KDELR1: variants seen among roughly 807,000 people sequenced by gnomAD.
The protein encoded by KDELR1 is KDEL endoplasmic reticulum protein retention receptor 1.
A neutral mutation model predicts 25.5 loss-of-function variants in KDELR1; 16 were observed. The observed-to-expected ratio is 0.63, with a 90% CI of 0.43 to 0.95. The LOEUF (loss-of-function observed/expected upper bound fraction) is 0.95, where lower values mean the gene tolerates loss of function less well. Among genes scored for constraint, KDELR1 ranks in the 40% least tolerant of loss-of-function variants. KDELR1 has a pLI of 0.00. For missense variants in KDELR1, 159 were observed against 265.2 expected, an observed-to-expected ratio of 0.60 and a Z score of 2.78; for synonymous variants, 121 against 115.0, an observed-to-expected ratio of 1.05 and a Z score of -0.33.
chr19:48,390,729 G>A (rs1250391851), intron 1 of KDELR1: 27 of 547,016 alleles, frequency 4.9e-5, no homozygotes, highest in Non-Finnish European at 6.6e-5. Flanking sequence ...CCCCGCCTGA[G>A]CAGGGCCCTT....
upstream of KDELR1, among the ~76,000 whole-genome samples, chr19:48,393,458 C>T (rs1970586808): frequency 6.6e-6 from 1 of 152,124 alleles, no homozygotes; most frequent in Non-Finnish European, 1.5e-5. This position sits in a 1 kb window ranked among gnomAD's most constrained non-coding sequence, Gnocchi z 5.6. Flanking sequence ...GGTTCTGAGT[C>T]CCTGCCTGCC....
rs1342538468 is a variant in KDELR1 at position 48,390,308 on chromosome 19, C to T, written c.192+116G>A. Reference sequence around the variant, plus strand: ...GAGTCCAGGCCCCCGGCCCCTCCTCCCTCAGACCCAGGAGTCCAGGCCCCC... The same window carrying T: ...GAGTCCAGGCCCCCGGCCCCTCCTCTCTCAGACCCAGGAGTCCAGGCCCCC... On this transcript the variant is annotated intron_variant, in intron 2 of 4. Coordinates refer to ENST00000330720, the MANE Select transcript of KDELR1 (RefSeq NM_006801.3). 1.3e-5 allele frequency: 9 copies of T among 715,966 alleles called. No individual in the cohort carries two copies. The African/African-American group carries it at 1.4e-4, about 12-fold the overall frequency. 44.4% of individuals were successfully genotyped at this position (715,966 alleles called of 1,614,324 possible). A position where few individuals can be genotyped will look rare whatever the true frequency, so the allele number is the denominator to read the frequency against.
rs1970553590 is a variant in KDELR1, at chr19:48,391,551, G to A, written c.-193C>T. The A allele has an allele frequency of 1.7e-6, 1 of 583,136 alleles. No homozygotes were observed. Among genetic ancestry groups the A allele is most frequent in the Admixed American group, 3.0e-5 (1 of 33,574 alleles). The allele number at this position is 583,136 out of a possible 1,614,324, so 36.1% of individuals were successfully genotyped here. ...CTGGCGGCGGAGCTGGAGCCGGGAAGAGGGAGGAGAGCGAGAGGGGGAGGA... is the reference window on the plus strand; with the variant it reads ...CTGGCGGCGGAGCTGGAGCCGGGAAAAGGGAGGAGAGCGAGAGGGGGAGGA... On this transcript the variant is annotated 5_prime_UTR_variant, in exon 1 of 5. Coordinates refer to ENST00000330720, the MANE Select transcript of KDELR1 (RefSeq NM_006801.3).
intron 3 of KDELR1, among the ~76,000 whole-genome samples, chr19:48,385,310 G>A (rs564985204): frequency 6.6e-6 from 1 of 152,198 alleles, no homozygotes; most frequent in East Asian, 1.9e-4. Flanking sequence ...GTCACCTCCC[G>A]AGAGGGACCC....
At chr19:48,391,240 C>G (rs1970547324) in intron 1 of KDELR1, 28 bp downstream of exon 1, 4 of 1,547,440 alleles carry the variant, frequency 2.6e-6, no homozygotes, top group Middle Eastern at 1.7e-4. Flanking sequence ...CAATCTCTCT[C>G]CTTCGCCAGC....
In KDELR1 at chr19:48,384,115, C is replaced by T. The variant is rs1043433910; in HGVS notation, c.604+115G>A. ...TAGGCCTGCCACCCCAGAAACCCGG[C>T]GAAGAAATGCTCCCTTCTTTGCATA... is the stretch of plus-strand genomic sequence containing the variant. On this transcript the variant is annotated intron_variant, in intron 4 of 4. Coordinates refer to ENST00000330720, the MANE Select transcript of KDELR1 (RefSeq NM_006801.3). The surrounding 1 kb of genome is among the most constrained non-coding windows in gnomAD (Gnocchi z 4.6). The T allele has an allele frequency of 5.8e-5, 78 of 1,348,098 alleles. No individual in the cohort carries two copies. The highest frequency in any genetic ancestry group is 2.6e-4 in the East Asian group (11 of 42,964). 83.5% of individuals were successfully genotyped at this position (1,348,098 alleles called of 1,614,324 possible).
chr19:48,392,038 CT>C (rs1970562077), upstream of KDELR1, among the ~76,000 whole-genome samples: 1 of 146,406 alleles, frequency 6.8e-6, no homozygotes, highest in Non-Finnish European at 1.5e-5. Flanking sequence ...GACCCCCAGC[CT>C]CTCCTCCCTC....
chr19:48,393,981 G>A (rs1970597476), upstream of KDELR1, among the ~76,000 whole-genome samples: 1 of 151,912 alleles, frequency 6.6e-6, no homozygotes, highest in Non-Finnish European at 1.5e-5. The surrounding 1 kb of genome is among the most constrained non-coding windows in gnomAD (Gnocchi z 5.6). Flanking sequence ...CCGACCCTGA[G>A]CTGCCTGCCT....
chr19:48,384,292 A>G lies in KDELR1; in HGVS notation c.542T>C (p.Ile181Thr), dbSNP rs747072958. ...HFEGFFDLIA[I>T]VAGLVQTVLY... is the part of the protein sequence containing the mutation. ...GACTGTCTGGACCAGGCCTGCCACAATGGCGATGAGGTCGAAGAAGCCCTC... is the reference window on the plus strand; with the variant it reads ...GACTGTCTGGACCAGGCCTGCCACAGTGGCGATGAGGTCGAAGAAGCCCTC... The change falls in exon 4 of 5, where the codon ATT becomes ACT. Residue 181 changes from isoleucine (I) to threonine (T), a missense_variant. Physicochemically the swap from Ile to Thr is moderately conservative, Grantham distance 89. Coordinates refer to ENST00000330720, the MANE Select transcript of KDELR1 (RefSeq NM_006801.3). This position sits in a 1 kb window ranked among gnomAD's most constrained non-coding sequence, Gnocchi z 4.6. 17 of 1,614,118 alleles carry G rather than the reference A, an allele frequency of 1.1e-5. No homozygotes were observed. The highest frequency in any genetic ancestry group is 3.3e-5 in the South Asian group (3 of 91,096).
At chr19:48,393,267 C>T (rs1433444401), upstream of KDELR1, among the ~76,000 whole-genome samples, 3 of 151,934 alleles carry the variant, frequency 2.0e-5, no homozygotes, top group Non-Finnish European at 2.9e-5. The surrounding 1 kb of genome is among the most constrained non-coding windows in gnomAD (Gnocchi z 5.6). Flanking sequence ...GGACCAGGGT[C>T]GAGACCTGGT....
chr19:48,388,354 A>C (rs1970511899), intron 3 of KDELR1, among the ~76,000 whole-genome samples: 2 of 152,192 alleles, frequency 1.3e-5, no homozygotes, highest in African/African-American at 2.4e-5. Flanking sequence ...AGGTACAGAG[A>C]GGTCAAGTCA....
chr19:48,383,515 TTC>T (rs1970472605), intron 4 of KDELR1, among the ~76,000 whole-genome samples, 188 bp from the exon 5 acceptor site: 1 of 152,008 alleles, frequency 6.6e-6, no homozygotes, highest in Non-Finnish European at 1.5e-5. Context: ...GCAATTTTCT[TTC>T]TTTCTTTTTT....
At chr19:48,386,708 C>T (rs1233131068) in intron 3 of KDELR1, among the ~76,000 whole-genome samples, 1 of 151,828 alleles carries the variant, frequency 6.6e-6, no homozygotes, top group Non-Finnish European at 1.5e-5. Flanking sequence ...CTGTCTCAGC[C>T]TCCCAAAGTG....
chr19:48,388,512 C>T (rs558316932), intron 3 of KDELR1, among the ~76,000 whole-genome samples: 1 of 151,902 alleles, frequency 6.6e-6, no homozygotes, highest in Admixed American at 6.6e-5. Flanking sequence ...ATGTTGAAAC[C>T]CTGTCTCTAC....
At position 48,384,171 on chromosome 19, in the gene KDELR1, G is replaced by A. The variant is rs1347212759; in HGVS notation, c.604+59C>T. On this transcript the variant is annotated intron_variant, in intron 4 of 4. Transcript: ENST00000330720. This position sits in a 1 kb window ranked among gnomAD's most constrained non-coding sequence, Gnocchi z 4.6. ...GGGGTAAGGAGACCCCAGTCCCCAG[G>A]GAGGGCAGGAGCTGCAGAAATAGGA... 1.3e-6 allele frequency: 2 copies of A among 1,597,942 alleles called. No individual in the cohort carries two copies. The highest frequency in any genetic ancestry group is 1.7e-6 in the Non-Finnish European group (2 of 1,169,324).
intron 4 of KDELR1, among the ~76,000 whole-genome samples, chr19:48,383,774 G>T (rs964442561): frequency 1.3e-5 from 2 of 152,020 alleles, no homozygotes; most frequent in Non-Finnish European, 2.9e-5. Context: ...CAAAGTGCTG[G>T]GATTACAGGT....
chr19:48,386,897 T>C (rs949640006), intron 3 of KDELR1, among the ~76,000 whole-genome samples: 17 of 151,836 alleles, frequency 1.1e-4, no homozygotes, highest in Admixed American at 5.9e-4. Flanking sequence ...CAAAACCCTG[T>C]CTCTCCTAAA....
chr19:48,392,401 C>T (rs369616386), upstream of KDELR1, among the ~76,000 whole-genome samples: 2 of 148,668 alleles, frequency 1.3e-5, no homozygotes, highest in East Asian at 2.0e-4. Flanking sequence ...AGGGCCCCAG[C>T]CCCTCCTCCC....
At chr19:48,386,265 C>G (rs895186512) in intron 3 of KDELR1, among the ~76,000 whole-genome samples, 1 of 151,932 alleles carries the variant, frequency 6.6e-6, no homozygotes, top group Non-Finnish European at 1.5e-5. Context: ...TAGGCACTCA[C>G]CACCACGCCC....
Sources: allele counts gnomAD v4.1 joint callset (sites outside exome capture counted in the v4.1 genomes callset), GRCh38; gene constraint gnomAD v4.1.1; non-coding constraint Gnocchi (gnomAD v3.1); transcripts MANE v1.5; gene names NCBI Gene and HGNC (gene_info 2026-07-23, HGNC 2026-07-21).